The following RBFOX1 variants were observed in gnomAD, a reference collection of about 807,000 sequenced individuals.
RBFOX1 encodes RNA binding fox-1 homolog 1, also known as RNA binding protein fox-1 homolog 1.
In RBFOX1, 8 loss-of-function variants were observed where a neutral mutation model predicts 57.7. The observed-to-expected ratio is 0.14, with a 90% CI of 0.08 to 0.25. The LOEUF (loss-of-function observed/expected upper bound fraction) is 0.25. Among genes scored for constraint, RBFOX1 ranks in the 10% least tolerant of loss-of-function variants. The pLI, the probability that RBFOX1 is intolerant of heterozygous loss-of-function variation, is 1.00. For missense variants in RBFOX1, 611 were observed against 548.5 expected (o/e 1.11, Z -1.14); for synonymous variants, 326 against 222.4 (o/e 1.47, Z -4.15).
chr16:6,328,107 A>G (rs1349630901), intron 2 of RBFOX1, among the ~76,000 whole-genome samples: 1 of 152,262 alleles, frequency 6.6e-6, no homozygotes, highest in South Asian at 2.1e-4. Context: ...AATACTACTC[A>G]GCCATAAAAA....
intron 1 of RBFOX1, among the ~76,000 whole-genome samples, chr16:5,427,209 C>T (rs80249825): frequency 0.015 from 2,322 of 152,274 alleles, 55 homozygotes; most frequent in African/African-American, 0.052. Context: ...GAATGAGTAC[C>T]ATCAGATGTG....
At chr16:6,784,330 T>C (rs2081543586) in intron 3 of RBFOX1, among the ~76,000 whole-genome samples, 1 of 152,138 alleles carries the variant, frequency 6.6e-6, no homozygotes, top group Non-Finnish European at 1.5e-5. Context: ...CTCTACAGAC[T>C]GTATTTTCAA....
chr16:5,918,045 T>A (rs1377479254), intron 4 of RBFOX1, among the ~76,000 whole-genome samples: 1 of 152,142 alleles, frequency 6.6e-6, no homozygotes, highest in African/African-American at 2.4e-5. Context: ...CTTTCACAGG[T>A]CAAATTCCAT....
intron 3 of RBFOX1, among the ~76,000 whole-genome samples, chr16:5,720,131 G>C (rs2051873735): frequency 6.6e-6 from 1 of 152,160 alleles, no homozygotes; most frequent in Non-Finnish European, 1.5e-5. Flanking sequence ...GTGTGAAGTA[G>C]TATCTCATTG....
intron 3 of RBFOX1, among the ~76,000 whole-genome samples, chr16:6,842,413 A>G (rs1372052712): frequency 1.3e-5 from 2 of 152,112 alleles, no homozygotes; most frequent in Non-Finnish European, 2.9e-5. Context: ...CTTGGAGATT[A>G]TTCACTGTTT....
At chr16:5,746,951 C>T (rs2053007966) in intron 3 of RBFOX1, among the ~76,000 whole-genome samples, 1 of 152,148 alleles carries the variant, frequency 6.6e-6, no homozygotes, top group Non-Finnish European at 1.5e-5. Context: ...TGCCTAATTG[C>T]CCTGGCCAGA....
At chr16:5,438,116 C>T (rs1461630088) in intron 1 of RBFOX1, among the ~76,000 whole-genome samples, 1 of 152,166 alleles carries the variant, frequency 6.6e-6, no homozygotes, top group East Asian at 1.9e-4. Flanking sequence ...TTGAACACAA[C>T]ATTGTATTGA....
At chr16:6,870,133 G>A (rs1489131069) in intron 3 of RBFOX1, among the ~76,000 whole-genome samples, 1 of 151,980 alleles carries the variant, frequency 6.6e-6, no homozygotes, top group Non-Finnish European at 1.5e-5. Context: ...AAGGCTCTTG[G>A]ACCACCTAGT....
intron 3 of RBFOX1, among the ~76,000 whole-genome samples, chr16:6,965,849 G>A (rs868529574): frequency 1.3e-5 from 2 of 151,428 alleles, no homozygotes; most frequent in Non-Finnish European, 2.9e-5. Context: ...GCATCCATGG[G>A]GATAAGGAAA....
chr16:6,013,879 G>A (rs984411655), intron 4 of RBFOX1, among the ~76,000 whole-genome samples: 5 of 149,308 alleles, frequency 3.3e-5, no homozygotes, highest in Admixed American at 6.8e-5. Flanking sequence ...AACAAACACC[G>A]CATGTTTTCA....
At chr16:7,267,582 C>G (rs533780696) in intron 4 of RBFOX1, among the ~76,000 whole-genome samples, 1 of 150,872 alleles carries the variant, frequency 6.6e-6, no homozygotes, top group Admixed American at 6.6e-5. Context: ...AAGCCGAGCA[C>G]GATGGCTCAT....
At position 7,710,210 on chromosome 16, in the gene RBFOX1, C is replaced by G. The variant is rs2083762789; in HGVS notation, c.1072-413C>G. On this transcript the variant is annotated intron_variant, in intron 15 of 15. Transcript: ENST00000550418. ...TAAGAAGTAGGTTGAGATTTTCATC[C>G]CAATTCTGCATTCAACAACTCTGCT... is the stretch of plus-strand genomic sequence containing the variant. 4.8e-6 allele frequency: 5 copies of G among 1,034,266 alleles called. No homozygotes were observed. The South Asian group carries it at 1.9e-4, about 40-fold the overall frequency. 64.1% of individuals were successfully genotyped at this position (1,034,266 alleles called of 1,614,324 possible).
chr16:5,854,128 C>A (rs1018966481), intron 3 of RBFOX1, among the ~76,000 whole-genome samples: 2 of 152,138 alleles, frequency 1.3e-5, no homozygotes, highest in Non-Finnish European at 2.9e-5. Flanking sequence ...AAACGCTTAC[C>A]ACAATCAAGC....
At chr16:6,977,217 A>G (rs1052880176) in intron 3 of RBFOX1, among the ~76,000 whole-genome samples, 2 of 140,524 alleles carry the variant, frequency 1.4e-5, no homozygotes, top group Non-Finnish European at 3.0e-5. Flanking sequence ...CATATATATT[A>G]TCATATAATC....
At chr16:5,681,633 TCCAC>T (rs2050342596) in intron 3 of RBFOX1, among the ~76,000 whole-genome samples, 1 of 152,002 alleles carries the variant, frequency 6.6e-6, no homozygotes, top group Non-Finnish European at 1.5e-5. Flanking sequence ...CCTCAGGTGA[TCCAC>T]CCACCTCAGC....
chr16:5,771,947 G>A (rs1597187919), intron 3 of RBFOX1, among the ~76,000 whole-genome samples: 2 of 152,128 alleles, frequency 1.3e-5, no homozygotes, highest in East Asian at 1.9e-4. Context: ...GTCGAGGGGG[G>A]TGGATCACGA....
chr16:5,936,456 A>G (rs1050728381), intron 4 of RBFOX1, among the ~76,000 whole-genome samples: 9 of 152,148 alleles, frequency 5.9e-5, no homozygotes, highest in Non-Finnish European at 1.0e-4. Context: ...AAAAATAGTA[A>G]GGCAGGACAG....
At chr16:6,274,396 A>G (rs900220397) in intron 1 of RBFOX1, among the ~76,000 whole-genome samples, 1 of 152,206 alleles carries the variant, frequency 6.6e-6, no homozygotes, top group African/African-American at 2.4e-5. Flanking sequence ...TGATAAATGC[A>G]TGCAACAGCC....
chr16:7,133,123 G>A (rs1488882256), intron 4 of RBFOX1, among the ~76,000 whole-genome samples: 2 of 152,148 alleles, frequency 1.3e-5, no homozygotes, highest in African/African-American at 4.8e-5. Context: ...CATCAAAAAT[G>A]CAGGTTTTAA....
Sources: allele counts gnomAD v4.1 joint callset (sites outside exome capture counted in the v4.1 genomes callset), GRCh38; gene constraint gnomAD v4.1.1; transcripts MANE v1.5; gene names NCBI Gene and HGNC (gene_info 2026-07-23, HGNC 2026-07-21).